Variants in SLC46A2 observed in about 807,000 individuals in gnomAD.
SLC46A2 encodes the protein solute carrier family 46 member 2.
SLC46A2 carries 25 observed loss-of-function variants against 33.1 expected under a neutral mutation model. The observed-to-expected ratio is 0.76, with a 90% CI of 0.55 to 1.06. The LOEUF is 1.06. SLC46A2 is among the 50% of genes least tolerant of loss of function. The pLI, the probability that SLC46A2 is intolerant of heterozygous loss-of-function variation, is 0.00. For synonymous variants in SLC46A2, 254 were observed against 275.9 expected (o/e 0.92, Z 0.79); for missense variants, 622 against 621.7 (o/e 1.00, Z 0.00).
At chr9:112,886,849 C>T (rs566306906) in intron 2 of SLC46A2, among the ~76,000 whole-genome samples, 2 of 152,254 alleles carry the variant, frequency 1.3e-5, no homozygotes, top group East Asian at 1.9e-4. Flanking sequence ...CTCAGCCTCC[C>T]GAGTAGCTGG....
At chr9:112,880,797 T>G (rs1303848956) in intron 3 of SLC46A2, among the ~76,000 whole-genome samples, 1 of 152,222 alleles carries the variant, frequency 6.6e-6, no homozygotes, top group Non-Finnish European at 1.5e-5. Flanking sequence ...TGAAATTTTT[T>G]TATCCATTTA....
chr9:112,887,912 A>AGTGTGTGTGT (rs34424153), intron 1 of SLC46A2, among the ~76,000 whole-genome samples: 422 of 142,326 alleles, frequency 3.0e-3, no homozygotes, highest in African/African-American at 3.6e-3. Flanking sequence ...ATCCAGATGC[A>AGTGTGTGTGT]GTGTGTGTGT....
At chr9:112,880,351 T>G (rs1309871316) in intron 3 of SLC46A2, 1 of 58,078 alleles carries the variant, frequency 1.7e-5, no homozygotes, top group Non-Finnish European at 4.0e-5. Flanking sequence ...AAAAAAAGAA[T>G]CTCTGATACT....
In SLC46A2 at chr9:112,883,690, TTTTTC is replaced by T. The variant is rs552121747; in HGVS notation, c.1370+2765_1370+2769del. ...TGGCTTCTCTTTTCTGTTTTTTTCT[TTTTTC>T]TTTTCTTTTTTTTTTTTTTTGAGAT... On this transcript the variant is annotated intron_variant, in intron 3 of 3. Transcript: ENST00000374228. Among the ~76,000 whole-genome samples, 1,236 of 129,320 alleles carry T rather than the reference TTTTTC, an allele frequency of 9.6e-3. 7 individuals are homozygous for T. Among genetic ancestry groups the T allele is most frequent in the Non-Finnish European group, 0.013 (833 of 64,352 alleles). 84.8% of individuals were successfully genotyped at this position (129,320 alleles called of 152,430 possible).
chr9:112,889,849 G>T lies in SLC46A2; in HGVS notation c.833C>A (p.Pro278His). ...GAGCAAGGCAATGGTGGTTTTATGG[G>T]GTTTTGCTTTTCCAGGAGATGGAGG... is the stretch of plus-strand genomic sequence containing the variant. ...GHPPSPGKAK[P>H]HKTTIALLFV... The change falls in exon 1 of 4, where the codon CCC becomes CAC. Residue 278 changes from proline (P) to histidine (H), a missense_variant. By Grantham distance (77) the Pro-to-His change is moderately conservative (BLOSUM62 -2). Coordinates refer to ENST00000374228, the MANE Select transcript of SLC46A2 (RefSeq NM_033051.4). 1 of 1,614,190 alleles carries T rather than the reference G, an allele frequency of 6.2e-7. No homozygotes were observed. Among genetic ancestry groups the T allele is most frequent in the Non-Finnish European group, 8.5e-7 (1 of 1,180,030 alleles).
chr9:112,879,766 T>G lies in SLC46A2; in HGVS notation c.1424A>C (p.Lys475Thr). ...PLSPYGDIIEK is the reference protein window; with the variant it reads ...PLSPYGDIIET ...AGTTCCTGCAGGTAAGCATCTTCAT[T>G]TCTCTATGATGTCTCCATATGGTGA... is the stretch of plus-strand genomic sequence containing the variant. The change falls in exon 4 of 4, where the codon AAA (lysine) becomes ACA (threonine). Residue 475 changes from lysine to threonine, a missense_variant. Coordinates refer to ENST00000374228, the MANE Select transcript of SLC46A2 (RefSeq NM_033051.4). 2 of 1,612,310 alleles carry G rather than the reference T, an allele frequency of 1.2e-6. No individual in the cohort carries two copies. Among genetic ancestry groups the G allele is most frequent in the Non-Finnish European group, 1.7e-6 (2 of 1,178,588 alleles).
rs756996058 is a variant in SLC46A2, at chr9:112,889,792, A to G, written c.890T>C (p.Val297Ala). 1.7e-5 allele frequency: 28 copies of G among 1,613,994 alleles called. No homozygotes were observed. Among genetic ancestry groups the G allele is most frequent in the Admixed American group, 1.5e-4 (9 of 59,992 alleles). ...FVGAIIYDLA[V>A]VGTVDVIPLF... Reference sequence around the variant, plus strand: ...AGGGATCACGTCCACTGTGCCCACCACCGCCAGGTCATATATGATAGCACC... The same window carrying G: ...AGGGATCACGTCCACTGTGCCCACCGCCGCCAGGTCATATATGATAGCACC... The change falls in exon 1 of 4, where the codon GTG becomes GCG. Residue 297 changes from valine (V) to alanine (A), a missense_variant. Coordinates refer to ENST00000374228, the MANE Select transcript of SLC46A2 (RefSeq NM_033051.4).
In SLC46A2 at chr9:112,888,239, C is replaced by T. The variant is rs1471997505; in HGVS notation, c.1130-826G>A. 2.6e-5 allele frequency among the ~76,000 whole-genome samples: 4 copies of T among 151,996 alleles called. 1 individual carries two copies. The highest frequency in any genetic ancestry group is 4.2e-4 in the South Asian group (2 of 4,800). On this transcript the variant is annotated intron_variant, in intron 1 of 3. Coordinates refer to ENST00000374228, the MANE Select transcript of SLC46A2 (RefSeq NM_033051.4). ...TTGCAGTGAGCCGAGATCGTACCAT[C>T]GCACTCCAGCCTGGGCAACAAGAGT...
intron 3 of SLC46A2, among the ~76,000 whole-genome samples, chr9:112,884,173 G>C (rs1588149321): frequency 1.3e-5 from 2 of 152,194 alleles, no homozygotes; most frequent in East Asian, 1.9e-4. Context: ...GGCTCACTTT[G>C]GTACCAGGAA....
chr9:112,881,074 A>G (rs1006004618), intron 3 of SLC46A2, among the ~76,000 whole-genome samples: 2 of 152,174 alleles, frequency 1.3e-5, no homozygotes, highest in Non-Finnish European at 2.9e-5. Flanking sequence ...CTGCCTTTCC[A>G]TAGGTCCTTT....
At chr9:112,883,402 C>T (rs1277911430) in intron 3 of SLC46A2, among the ~76,000 whole-genome samples, 2 of 152,162 alleles carry the variant, frequency 1.3e-5, no homozygotes, top group African/African-American at 4.8e-5. Flanking sequence ...AATCCTGTCT[C>T]TGCCACTTCC....
intron 1 of SLC46A2, 96 bp from the exon 2 acceptor site, chr9:112,887,509 C>A: frequency 8.9e-7 from 1 of 1,123,246 alleles, no homozygotes; most frequent in Non-Finnish European, 1.2e-6. Context: ...CATCTCCCCA[C>A]AATCCGAATG....
chr9:112,887,942 T>TGC (rs1482836545), intron 1 of SLC46A2, among the ~76,000 whole-genome samples: 1 of 143,974 alleles, frequency 6.9e-6, no homozygotes, highest in Non-Finnish European at 1.5e-5. Context: ...TGTGTGTGTG[T>TGC]GTGTGAGAGA....
rs1483472787 is a variant in SLC46A2 at position 112,879,016 on chromosome 9, G to T, written c.*746C>A. ...TACCTCAAATAAAATAGCTCTTAAT[G>T]TACCTCCTCTTCCTTCACACCACCC... On this transcript the variant is annotated 3_prime_UTR_variant, in exon 4 of 4. Transcript: ENST00000374228. The T allele has an allele frequency of 2.0e-5, 3 of 152,168 alleles. No homozygotes were observed. The highest frequency in any genetic ancestry group is 6.5e-5 in the Admixed American group (1 of 15,272). The allele number at this position is 152,168 out of a possible 1,614,324, so 9.4% of individuals were successfully genotyped here.
At position 112,890,754 on chromosome 9, in the gene SLC46A2, A is replaced by G. The variant is rs977342012; in HGVS notation, c.-73T>C. ...GGATATGCTCCCAAATTCGGCTGCTACGGCTGCTCAGGTTTCAGTCCCGGA... is the reference window on the plus strand; with the variant it reads ...GGATATGCTCCCAAATTCGGCTGCTGCGGCTGCTCAGGTTTCAGTCCCGGA... On this transcript the variant is annotated 5_prime_UTR_variant, in exon 1 of 4. Coordinates refer to ENST00000374228, the MANE Select transcript of SLC46A2 (RefSeq NM_033051.4). This position sits in a 1 kb window ranked among gnomAD's most constrained non-coding sequence, Gnocchi z 6.0. 3.3e-6 allele frequency: 5 copies of G among 1,492,886 alleles called. No individual in the cohort carries two copies. Among genetic ancestry groups the G allele is most frequent in the East Asian group, 4.6e-5 (2 of 43,200 alleles). The allele number at this position is 1,492,886 out of a possible 1,614,324, so 92.5% of individuals were successfully genotyped here. A position where few individuals can be genotyped will look rare whatever the true frequency, so the allele number is the denominator to read the frequency against.
intron 1 of SLC46A2, among the ~76,000 whole-genome samples, chr9:112,888,269 C>T (rs1286607557): frequency 6.6e-6 from 1 of 151,730 alleles, no homozygotes; most frequent in Non-Finnish European, 1.5e-5. Context: ...AAGAGTGAAA[C>T]TCCATCTCAA....
Position 112,890,615 on chromosome 9 carries a change from C to G in SLC46A2, c.67G>C (p.Glu23Gln). Residue 23 changes from glutamate to glutamine, a missense_variant, in exon 1 of 4, where the codon GAG (glutamate) becomes CAG (glutamine). By Grantham distance (29) the Glu-to-Gln change is conservative. Coordinates refer to ENST00000374228, the MANE Select transcript of SLC46A2 (RefSeq NM_033051.4). The surrounding 1 kb of genome is among the most constrained non-coding windows in gnomAD (Gnocchi z 6.0). Reference protein sequence around the residue: ...LPRFHPRTWVEPVVASSQVAA... With the variant: ...LPRFHPRTWVQPVVASSQVAA... ...ACCTGGGACGAGGCCACCACGGGCT[C>G]AACCCAGGTCCTCGGGTGGAAGCGA... 1 of 1,606,304 alleles carries G rather than the reference C, an allele frequency of 6.2e-7. No homozygotes were observed. The highest frequency in any genetic ancestry group is 8.5e-7 in the Non-Finnish European group (1 of 1,179,902).
chr9:112,888,802 C>T (rs1297451643), intron 1 of SLC46A2, among the ~76,000 whole-genome samples: 1 of 151,574 alleles, frequency 6.6e-6, no homozygotes. Context: ...TTAAAAAGCC[C>T]TTGCTTGACT....
At chr9:112,880,866 C>T (rs575140990) in intron 3 of SLC46A2, among the ~76,000 whole-genome samples, 1 of 152,136 alleles carries the variant, frequency 6.6e-6, no homozygotes, top group Non-Finnish European at 1.5e-5. Context: ...AGGAACTTCT[C>T]TTACTCCAGG....
Sources: allele counts gnomAD v4.1 joint callset (sites outside exome capture counted in the v4.1 genomes callset), GRCh38; gene constraint gnomAD v4.1.1; non-coding constraint Gnocchi (gnomAD v3.1); transcripts MANE v1.5; gene names NCBI Gene and HGNC (gene_info 2026-07-23, HGNC 2026-07-21).